The following KIF21A variants were observed in gnomAD, a reference collection of about 807,000 sequenced individuals.
KIF21A encodes the protein kinesin family member 21A.
Under a neutral mutation model 202.9 loss-of-function variants are expected in KIF21A, and 114 were observed. The ratio of observed to expected loss-of-function variants is 0.56; its 90% CI spans 0.48 to 0.66. The LOEUF (loss-of-function observed/expected upper bound fraction) is 0.66, where lower values mean the gene tolerates loss of function less well. Ranked by LOEUF, KIF21A falls within the 30% of genes least tolerant of loss-of-function variation. The pLI is 0.00. For synonymous variants in KIF21A, 667 were observed against 670.8 expected, an observed-to-expected ratio of 0.99 and a Z score of 0.09; for missense variants, 1,677 against 1,994.9, an observed-to-expected ratio of 0.84 and a Z score of 3.04.
At chr12:39,311,626 GT>G (rs1944045808) in intron 31 of KIF21A, 73 bp from the exon 32 acceptor site, 6 of 1,531,490 alleles carry the variant, frequency 3.9e-6, no homozygotes, top group Admixed American at 3.4e-5. Flanking sequence ...GACTAGTTTT[GT>G]TTTTTTCCCC....
chr12:39,296,153 C>T (rs893084857), intron 37 of KIF21A, among the ~76,000 whole-genome samples: 36 of 150,806 alleles, frequency 2.4e-4, no homozygotes, highest in African/African-American at 8.8e-4. Flanking sequence ...ACTGCAAGCT[C>T]CGCCTCCCGG....
At chr12:39,362,962 C>A (rs1300074285) in intron 7 of KIF21A, 136 bp downstream of exon 7, 2 of 615,182 alleles carry the variant, frequency 3.3e-6, no homozygotes, top group African/African-American at 1.8e-5. Flanking sequence ...CATTTGAGAT[C>A]CTTAACAGTA....
chr12:39,351,929 C>T lies in KIF21A; in HGVS notation c.1521G>A (p.Leu507=). The T allele has an allele frequency of 1.9e-6, 3 of 1,613,430 alleles. No individual in the cohort carries two copies. Among genetic ancestry groups the T allele is most frequent in the Non-Finnish European group, 2.5e-6 (3 of 1,179,558 alleles). The change falls in exon 11 of 38, where the codon TTG becomes TTA. Residue 507 remains leucine (L), a synonymous_variant. Coordinates refer to ENST00000361418, the MANE Select transcript of KIF21A (RefSeq NM_001173464.2). ...ATGGCGCTCTTGCTGTGGCTCTTGT[C>T]AAGTTTTTTCGAAGGTTCTCATTCA... ...EAVNENLRKN[L]TRATARAPYF... is the part of the protein sequence containing the mutation.
At chr12:39,429,981 T>C (rs1380987332) in intron 1 of KIF21A, among the ~76,000 whole-genome samples, 1 of 152,158 alleles carries the variant, frequency 6.6e-6, no homozygotes, top group Non-Finnish European at 1.5e-5. Context: ...AACCCTATTT[T>C]ATACATGAGA....
intron 1 of KIF21A, among the ~76,000 whole-genome samples, chr12:39,422,155 T>C (rs1488101343): frequency 4.0e-5 from 6 of 151,584 alleles, no homozygotes; most frequent in Non-Finnish European, 1.5e-5. Flanking sequence ...TAGAGAGGGT[T>C]TCATTACGTT....
intron 27 of KIF21A, chr12:39,322,395 G>T (rs773487080): frequency 5.4e-4 from 160 of 295,690 alleles, no homozygotes; most frequent in Non-Finnish European, 8.7e-4. Flanking sequence ...TGTATTTTCT[G>T]TAATTCATAA....
chr12:39,395,329 G>C (rs1951656929), intron 1 of KIF21A, among the ~76,000 whole-genome samples: 1 of 151,948 alleles, frequency 6.6e-6, no homozygotes, highest in Admixed American at 6.6e-5. Context: ...CTCTAGAATT[G>C]TTCTATCCTC....
At chr12:39,327,922 G>A (rs907323052) in intron 24 of KIF21A, among the ~76,000 whole-genome samples, 1 of 152,154 alleles carries the variant, frequency 6.6e-6, no homozygotes, top group Non-Finnish European at 1.5e-5. Flanking sequence ...TCATTGTAAA[G>A]TTTCACAGTC....
intron 1 of KIF21A, among the ~76,000 whole-genome samples, chr12:39,389,743 G>A (rs1951212503): frequency 6.6e-6 from 1 of 152,136 alleles, no homozygotes; most frequent in South Asian, 2.1e-4. Flanking sequence ...CTTTTGGAGT[G>A]CAGGGCATTT....
intron 25 of KIF21A, among the ~76,000 whole-genome samples, 166 bp downstream of exon 25, chr12:39,326,098 T>C (rs1945879387): frequency 6.6e-6 from 1 of 152,246 alleles, no homozygotes; most frequent in Non-Finnish European, 1.5e-5. Context: ...AAATTTATGA[T>C]AGTTAAGCAT....
At chr12:39,440,430 A>T (rs1306359798) in intron 1 of KIF21A, among the ~76,000 whole-genome samples, 1 of 152,194 alleles carries the variant, frequency 6.6e-6, no homozygotes, top group African/African-American at 2.4e-5. Context: ...GGCCATAATA[A>T]CAGGACCTAA....
In KIF21A at chr12:39,302,975, T is replaced by G; in HGVS notation, c.4721A>C (p.Asp1574Ala). 3 of 1,613,888 alleles carry G rather than the reference T, an allele frequency of 1.9e-6. No homozygotes were observed. Among genetic ancestry groups the G allele is most frequent in the Non-Finnish European group, 2.5e-6 (3 of 1,179,832 alleles). The stretch of plus-strand genomic sequence containing the variant: ...AAGGTTCTGCATTACCTGAAGAAGG[T>G]CTTTTTGAGTTAAGTCCCATTTCTT... ...GIKKWDLTQK[D>A]LLQQVPNAHK... The change falls in exon 36 of 38, where the codon GAC (aspartate) becomes GCC (alanine). Residue 1574 changes from aspartate to alanine, a missense_variant. Coordinates refer to ENST00000361418, the MANE Select transcript of KIF21A (RefSeq NM_001173464.2).
chr12:39,295,695 T>TC (rs1942250153), intron 37 of KIF21A, among the ~76,000 whole-genome samples: 1 of 122,026 alleles, frequency 8.2e-6, no homozygotes, highest in African/African-American at 4.5e-5. Flanking sequence ...GGGATATGTT[T>TC]TTTTTTTTTT....
intron 17 of KIF21A, 76 bp downstream of exon 17, chr12:39,337,020 A>C: frequency 5.3e-6 from 5 of 952,008 alleles, no homozygotes; most frequent in Non-Finnish European, 8.4e-6. Flanking sequence ...GTTACCAGAA[A>C]TTTTTCCTCC....
At chr12:39,340,739 T>C (rs1157196687) in intron 15 of KIF21A, among the ~76,000 whole-genome samples, 167 bp downstream of exon 15, 1 of 152,044 alleles carries the variant, frequency 6.6e-6, no homozygotes, top group Non-Finnish European at 1.5e-5. Context: ...ACAAGCTACA[T>C]ATAACTTTTA....
At chr12:39,436,422 T>TTATATGTATA (rs1938706891) in intron 1 of KIF21A, among the ~76,000 whole-genome samples, 1 of 99,116 alleles carries the variant, frequency 1.0e-5, no homozygotes, top group Admixed American at 1.2e-4. Context: ...GTTTACTATA[T>TTATATGTATA]TATATATATA....
intron 1 of KIF21A, among the ~76,000 whole-genome samples, chr12:39,384,271 A>C (rs920777736): frequency 6.6e-6 from 1 of 152,210 alleles, no homozygotes; most frequent in Non-Finnish European, 1.5e-5. Flanking sequence ...GTTTTAAAAG[A>C]GCTGTCTTAA....
chr12:39,401,655 A>C, intron 1 of KIF21A, among the ~76,000 whole-genome samples: 1 of 152,148 alleles, frequency 6.6e-6, no homozygotes, highest in East Asian at 1.9e-4. Flanking sequence ...TAAGTACCAA[A>C]AACTGAATCA....
rs114108927 is a variant in KIF21A at position 39,370,371 on chromosome 12, T to C, written c.45-110A>G. On this transcript the variant is annotated intron_variant, in intron 1 of 37. Transcript: ENST00000361418. ...CAAATCTTTTTTAAAACTCATGTAATTACCTAATGCTTATTCAGTTGAAAA... is the reference window on the plus strand; with the variant it reads ...CAAATCTTTTTTAAAACTCATGTAACTACCTAATGCTTATTCAGTTGAAAA... 1,048 of 740,274 alleles carry C rather than the reference T, an allele frequency of 1.4e-3. 7 individuals are homozygous for C. The African/African-American group carries it at 0.017, about 12-fold the overall frequency. The allele number at this position is 740,274 out of a possible 1,614,324, so 45.9% of individuals were successfully genotyped here. A position where few individuals can be genotyped will look rare whatever the true frequency, so the allele number is the denominator to read the frequency against.
Sources: allele counts gnomAD v4.1 joint callset (sites outside exome capture counted in the v4.1 genomes callset), GRCh38; gene constraint gnomAD v4.1.1; transcripts MANE v1.5; gene names NCBI Gene and HGNC (gene_info 2026-07-23, HGNC 2026-07-21).